CCDC18: variants seen among roughly 807,000 people sequenced by gnomAD.
The protein encoded by CCDC18 is coiled-coil domain-containing protein 18.
Under a neutral mutation model 196.0 loss-of-function variants are expected in CCDC18, and 157 were observed. The ratio of observed to expected loss-of-function variants is 0.80; its 90% confidence interval spans 0.70 to 0.91. The LOEUF (loss-of-function observed/expected upper bound fraction) is 0.91, where lower values mean the gene tolerates loss of function less well. CCDC18 is among the 40% of genes least tolerant of loss of function. The pLI, the probability that CCDC18 is intolerant of heterozygous loss-of-function variation, is 0.00. For synonymous variants in CCDC18, 482 were observed against 529.2 expected (o/e 0.91, Z 1.22); for missense variants, 1,465 against 1,611.6 (o/e 0.91, Z 1.56).
chr1:93,180,761 C>T lies in CCDC18; in HGVS notation c.-94C>T. 1 of 1,367,474 alleles carries T rather than the reference C, an allele frequency of 7.3e-7. No individual in the cohort carries two copies. The highest frequency in any genetic ancestry group is 1.1e-5 in the South Asian group (1 of 88,036). 84.7% of individuals were successfully genotyped at this position (1,367,474 alleles called of 1,614,324 possible). On this transcript the variant is annotated 5_prime_UTR_variant, in exon 1 of 29. Transcript: ENST00000690025. ...GTGCTGCCGGGGTTCGCTGGTTCTC[C>T]GAGTTGTGTCCGAGGCTTCCACGCG...
At chr1:93,203,992 C>A (rs1056892717) in intron 7 of CCDC18, among the ~76,000 whole-genome samples, 4 of 151,966 alleles carry the variant, frequency 2.6e-5, no homozygotes, top group Admixed American at 6.6e-5. Context: ...GTAGAGGTAG[C>A]TAACAGACAA....
intron 11 of CCDC18, among the ~76,000 whole-genome samples, chr1:93,213,741 G>A (rs774326677): frequency 1.3e-5 from 2 of 151,964 alleles, no homozygotes; most frequent in Non-Finnish European, 2.9e-5. Context: ...TTTGAGATTT[G>A]GTTTATTGTC....
At position 93,186,424 on chromosome 1, in the gene CCDC18, C is replaced by T. The variant is rs1650686826; in HGVS notation, c.383C>T (p.Ala128Val). ...EKLNKLRQQNACLVTQNHSLM... is the reference protein window; with the variant it reads ...EKLNKLRQQNVCLVTQNHSLM... ...CTAAATAAACTTAGGCAACAGAATG[C>T]TTGTTTGGTCACACAGAATCATTCC... Residue 128 changes from alanine to valine, a missense_variant, in exon 4 of 29, where the codon GCT (alanine) becomes GTT (valine). Transcript: ENST00000690025. 6.2e-7 allele frequency: 1 copy of T among 1,611,488 alleles called. No individual in the cohort carries two copies.
intron 26 of CCDC18, among the ~76,000 whole-genome samples, chr1:93,259,540 C>T (rs1236395013): frequency 6.6e-6 from 1 of 152,112 alleles, no homozygotes. Flanking sequence ...GCAAGGGTTG[C>T]AAATATTTAT....
intron 6 of CCDC18, among the ~76,000 whole-genome samples, chr1:93,197,362 T>C (rs1368974991): frequency 6.6e-6 from 1 of 152,162 alleles, no homozygotes; most frequent in East Asian, 1.9e-4. Flanking sequence ...TATAAATCGG[T>C]AAGCAATAAG....
rs543397700 is a variant in CCDC18 at position 93,195,547 on chromosome 1, C to T, written c.698+1803C>T. On this transcript the variant is annotated intron_variant, in intron 6 of 28. Transcript: ENST00000690025. ...TTTTGTATTGGAAACTTAATCCCAACGCAACACTGTTGGGAGGTGGGGCAT... is the reference window on the plus strand; with the variant it reads ...TTTTGTATTGGAAACTTAATCCCAATGCAACACTGTTGGGAGGTGGGGCAT... Among the ~76,000 whole-genome samples, 429 of 152,296 alleles carry T rather than the reference C, an allele frequency of 2.8e-3. 1 individual carries two copies. The highest frequency in any genetic ancestry group is 6.0e-3 in the South Asian group (29 of 4,824).
In CCDC18 at chr1:93,183,358, A is replaced by G; in HGVS notation, c.-2-2A>G. ...GTACAAGAAATTCATTTTTTTTTTA[A>G]GAAATGGAATCTAGTTCATCAGACT... On this transcript the variant is annotated splice_acceptor_variant, in intron 1 of 28. Coordinates refer to ENST00000690025, the MANE Select transcript of CCDC18 (RefSeq NM_001378204.1). LOFTEE classifies it low-confidence loss of function (5UTR_SPLICE). 1 of 1,534,348 alleles carries G rather than the reference A, an allele frequency of 6.5e-7. No homozygotes were observed.
intron 6 of CCDC18, among the ~76,000 whole-genome samples, chr1:93,195,786 C>A (rs1378518586): frequency 6.6e-6 from 1 of 152,152 alleles, no homozygotes; most frequent in Non-Finnish European, 1.5e-5. Flanking sequence ...CTTGGACTTC[C>A]CAGCCTCCGG....
intron 23 of CCDC18, among the ~76,000 whole-genome samples, chr1:93,253,647 C>T (rs901836801): frequency 6.6e-6 from 1 of 152,192 alleles, no homozygotes; most frequent in Non-Finnish European, 1.5e-5. Context: ...GGCAATTTTC[C>T]GGTCCACTGC....
intron 7 of CCDC18, among the ~76,000 whole-genome samples, chr1:93,202,611 T>C (rs1347035893): frequency 6.6e-6 from 1 of 152,126 alleles, no homozygotes; most frequent in Admixed American, 6.5e-5. Flanking sequence ...GCAGAGGAAG[T>C]TTATGATTCT....
At position 93,254,724 on chromosome 1, in the gene CCDC18, G is replaced by C; in HGVS notation, c.3342+110G>C. On this transcript the variant is annotated intron_variant, in intron 24 of 28. Coordinates refer to ENST00000690025, the MANE Select transcript of CCDC18 (RefSeq NM_001378204.1). ...AATATACAGAAACTGTGCCATAACT[G>C]TTTTTAGGCTAGTTTTTTGTGCCAG... The C allele has an allele frequency of 2.9e-6, 3 of 1,024,114 alleles. No individual in the cohort carries two copies. The South Asian group carries it at 4.3e-5, about 15-fold the overall frequency. 63.4% of individuals were successfully genotyped at this position (1,024,114 alleles called of 1,614,324 possible).
chr1:93,274,325 C>G (rs537683056), intron 28 of CCDC18, among the ~76,000 whole-genome samples: 1 of 151,944 alleles, frequency 6.6e-6, no homozygotes, highest in Non-Finnish European at 1.5e-5. Flanking sequence ...TTGCTTGAAC[C>G]CGGGAGGCAG....
chr1:93,180,701 C>A (rs368524893), upstream of CCDC18: 2 of 1,354,900 alleles, frequency 1.5e-6, no homozygotes, highest in African/African-American at 1.5e-5. Context: ...ACCGGGTAGG[C>A]GCGTCCCAAC....
At chr1:93,183,890 A>G in intron 2 of CCDC18, 88 bp from the exon 3 acceptor site, 1 of 775,118 alleles carries the variant, frequency 1.3e-6, no homozygotes, top group Admixed American at 3.0e-5. Flanking sequence ...GCAGCATTTC[A>G]GGTTTTCTAT....
intron 1 of CCDC18, among the ~76,000 whole-genome samples, chr1:93,182,645 C>T (rs927858806): frequency 2.0e-5 from 3 of 152,000 alleles, no homozygotes; most frequent in Non-Finnish European, 4.4e-5. Flanking sequence ...GTTTCACAAC[C>T]CTAGAGATAC....
chr1:93,234,107 G>C (rs1659658087), intron 18 of CCDC18, among the ~76,000 whole-genome samples: 1 of 151,762 alleles, frequency 6.6e-6, no homozygotes, highest in South Asian at 2.1e-4. Flanking sequence ...CTTCTATAAT[G>C]GTTGTATGGT....
chr1:93,276,476 T>C (rs1039562148), intron 28 of CCDC18, among the ~76,000 whole-genome samples: 11 of 152,184 alleles, frequency 7.2e-5, no homozygotes, highest in African/African-American at 2.7e-4. Context: ...ATTAGGAATT[T>C]ATAAAAAGTT....
At chr1:93,227,442 A>G (rs1256229068) in intron 17 of CCDC18, among the ~76,000 whole-genome samples, 1 of 151,968 alleles carries the variant, frequency 6.6e-6, no homozygotes, top group Non-Finnish European at 1.5e-5. Context: ...TGTTGGGATT[A>G]CAGGCATGAG....
intron 28 of CCDC18, among the ~76,000 whole-genome samples, chr1:93,273,069 T>G (rs1016133545): frequency 2.0e-5 from 3 of 146,574 alleles, no homozygotes; most frequent in Admixed American, 1.3e-4. Flanking sequence ...CAATTGCTTT[T>G]CTTTTCTTTT....
Sources: allele counts gnomAD v4.1 joint callset (sites outside exome capture counted in the v4.1 genomes callset), GRCh38; gene constraint gnomAD v4.1.1; transcripts MANE v1.5; gene names NCBI Gene and HGNC (gene_info 2026-07-23, HGNC 2026-07-21).